Variants in PRDM12 observed in about 807,000 individuals in gnomAD.
The protein encoded by PRDM12 is PR/SET domain 12, also known as PR domain zinc finger protein 12.
Under a neutral mutation model 29.6 loss-of-function variants are expected in PRDM12, and 17 were observed. That is an observed-to-expected ratio of 0.57 (90% CI 0.39 to 0.86). PRDM12 has a LOEUF of 0.86. Among genes scored for constraint, PRDM12 ranks in the 40% least tolerant of loss-of-function variants. The pLI is 0.00. For synonymous variants in PRDM12, 231 were observed against 225.8 expected, an observed-to-expected ratio of 1.02 and a Z score of -0.21; for missense variants, 422 against 510.8, an observed-to-expected ratio of 0.83 and a Z score of 1.68.
At position 130,664,991 on chromosome 9, in the gene PRDM12, C is replaced by A; in HGVS notation, c.223+115C>A. 1 of 1,089,386 alleles carries A rather than the reference C, an allele frequency of 9.2e-7. No homozygotes were observed. The highest frequency in any genetic ancestry group is 1.3e-6 in the Non-Finnish European group (1 of 780,102). 67.5% of individuals were successfully genotyped at this position (1,089,386 alleles called of 1,614,324 possible). A position where few individuals can be genotyped will look rare whatever the true frequency, so the allele number is the denominator to read the frequency against. On this transcript the variant is annotated intron_variant, in intron 1 of 4. Coordinates refer to ENST00000253008, the MANE Select transcript of PRDM12 (RefSeq NM_021619.3). This position sits in a 1 kb window ranked among gnomAD's most constrained non-coding sequence, Gnocchi z 6.4. ...CCGGCCTCGCTGCTACTCGCGCCAA[C>A]CTGGGCTCTCCCGGCGCTCGGTGCA...
rs760996054 is a variant in PRDM12, at chr9:130,668,196, T to C, written c.453T>C (p.Asp151=). 1.1e-5 allele frequency: 17 copies of C among 1,614,028 alleles called. No homozygotes were observed. The highest frequency in any genetic ancestry group is 1.4e-5 in the Non-Finnish European group (17 of 1,180,030). ...ATGGCACGGTGCGCTACTTCATCGA[T>C]GCCAGCCAGGAGGACCACCGGAGCT... is the stretch of plus-strand genomic sequence containing the variant. ...NEDGTVRYFI[D]ASQEDHRSWM... is the part of the protein sequence containing the mutation. The change falls in exon 3 of 5, where the codon GAT becomes GAC. Residue 151 remains aspartate, a synonymous_variant. Transcript: ENST00000253008. The surrounding 1 kb of genome is among the most constrained non-coding windows in gnomAD (Gnocchi z 4.0).
Position 130,681,599 on chromosome 9 carries a change from C to A in PRDM12, c.1034C>A (p.Pro345His), listed in dbSNP as rs1484358479. The change falls in exon 5 of 5, where the codon CCC becomes CAC. Residue 345 changes from proline (P) to histidine (H), a missense_variant. Physicochemically the swap from Pro to His is moderately conservative, Grantham distance 77 (BLOSUM62 -2). Transcript: ENST00000253008. This position sits in a 1 kb window ranked among gnomAD's most constrained non-coding sequence, Gnocchi z 8.1. ...PALPAPHAHA[P>H]ALAAAAAAAA... ...CTGCCCGCCCCGCACGCGCACGCGC[C>A]CGCGCTCGCCGCCGCCGCCGCCGCC... is the stretch of plus-strand genomic sequence containing the variant. The A allele has an allele frequency of 6.0e-5, 59 of 983,064 alleles. No homozygotes were observed. The highest frequency in any genetic ancestry group is 5.1e-4 in the East Asian group (5 of 9,900). 60.9% of individuals were successfully genotyped at this position (983,064 alleles called of 1,614,324 possible). A position where few individuals can be genotyped will look rare whatever the true frequency, so the allele number is the denominator to read the frequency against.
At chr9:130,675,700 A>G (rs1016632969) in intron 3 of PRDM12, among the ~76,000 whole-genome samples, 6 of 152,234 alleles carry the variant, frequency 3.9e-5, no homozygotes, top group Admixed American at 2.0e-4. Flanking sequence ...AACAGGCCCC[A>G]CGACGTGAGG....
At chr9:130,674,547 G>C (rs567787638) in intron 3 of PRDM12, among the ~76,000 whole-genome samples, 25 of 146,786 alleles carry the variant, frequency 1.7e-4, no homozygotes, top group Non-Finnish European at 3.1e-4. Flanking sequence ...GAAGTAATAT[G>C]TGCTCATTAT....
At chr9:130,667,067 T>G (rs1310302408) in intron 2 of PRDM12, among the ~76,000 whole-genome samples, 1 of 152,216 alleles carries the variant, frequency 6.6e-6, no homozygotes, top group Non-Finnish European at 1.5e-5. Context: ...ACTTGGCAGA[T>G]GAGGGCACTG....
chr9:130,669,630 A>G (rs1346670977), intron 3 of PRDM12, among the ~76,000 whole-genome samples: 1 of 151,476 alleles, frequency 6.6e-6, no homozygotes, highest in African/African-American at 2.4e-5. Context: ...CCTGGCTAAC[A>G]TGGTGAAACC....
intron 3 of PRDM12, among the ~76,000 whole-genome samples, chr9:130,677,310 G>A (rs774688121): frequency 7.9e-5 from 12 of 152,216 alleles, no homozygotes; most frequent in African/African-American, 2.7e-4. Context: ...GAAGGAAGAC[G>A]TAGTGAACGC....
intron 3 of PRDM12, among the ~76,000 whole-genome samples, chr9:130,669,805 G>C (rs1290763470): frequency 2.5e-5 from 3 of 119,636 alleles, no homozygotes; most frequent in Non-Finnish European, 4.9e-5. Context: ...GACAGAGTGA[G>C]ACTCCATCTC....
At chr9:130,674,083 C>T in intron 3 of PRDM12, among the ~76,000 whole-genome samples, 1 of 132,562 alleles carries the variant, frequency 7.5e-6, no homozygotes. Flanking sequence ...GGCGCCATCT[C>T]AGCCTACTGC....
In PRDM12 at chr9:130,681,605, TCGCCGCCGCCGCCGCCGCCGC is replaced by T. The variant is rs752427775; in HGVS notation, c.1056_1076del (p.Ala353_Ala359del). On this transcript the variant is annotated inframe_deletion, in exon 5 of 5. Transcript: ENST00000253008. This position sits in a 1 kb window ranked among gnomAD's most constrained non-coding sequence, Gnocchi z 8.1. Reference sequence around the variant, plus strand: ...GCCCCGCACGCGCACGCGCCCGCGCTCGCCGCCGCCGCCGCCGCCGCCGCCGCCGCCGCCGCGCACCACCTG... The same window carrying T: ...GCCCCGCACGCGCACGCGCCCGCGCTCGCCGCCGCCGCCGCGCACCACCTG... 8.9e-4 allele frequency: 852 copies of T among 955,252 alleles called. 1 individual carries two copies. Among genetic ancestry groups the T allele is most frequent in the East Asian group, 1.0e-3 (9 of 8,638 alleles). The allele number at this position is 955,252 out of a possible 1,614,324, so 59.2% of individuals were successfully genotyped here.
intron 3 of PRDM12, among the ~76,000 whole-genome samples, chr9:130,671,829 TCTGCCACTCAGAA>T (rs1349126035): frequency 1.3e-5 from 2 of 152,274 alleles, no homozygotes; most frequent in African/African-American, 2.4e-5. Flanking sequence ...TCTTAAACTT[TCTGCCACTCAGAA>T]CTGCCACTCA....
chr9:130,674,309 G>A (rs367873593), intron 3 of PRDM12, among the ~76,000 whole-genome samples: 9 of 151,210 alleles, frequency 6.0e-5, no homozygotes, highest in East Asian at 5.9e-4. Context: ...CACTGCGCCC[G>A]GCCCAATTTT....
chr9:130,669,625 C>T (rs140711758), intron 3 of PRDM12, among the ~76,000 whole-genome samples: 2,644 of 151,138 alleles, frequency 0.017, 80 homozygotes, highest in African/African-American at 0.061. Context: ...ACCATCCTGG[C>T]TAACATGGTG....
In PRDM12 at chr9:130,668,001, G is replaced by A. The variant is rs1306629901; in HGVS notation, c.415-157G>A. Among the ~76,000 whole-genome samples the A allele has an allele frequency of 6.6e-6, 1 of 152,192 alleles. No homozygotes were observed. Among genetic ancestry groups the A allele is most frequent in the Non-Finnish European group, 1.5e-5 (1 of 68,042 alleles). ...GCCGGCTAGCTTCAGGCAAGTCCCT[G>A]CACCTCTCCAGCCTTCCTTTCTTCA... On this transcript the variant is annotated intron_variant, in intron 2 of 4. Transcript: ENST00000253008. The surrounding 1 kb of genome is among the most constrained non-coding windows in gnomAD (Gnocchi z 4.0).
At chr9:130,669,550 T>G (rs1179161747) in intron 3 of PRDM12, among the ~76,000 whole-genome samples, 2 of 139,972 alleles carry the variant, frequency 1.4e-5, no homozygotes. Context: ...GCACAGTGGC[T>G]CAAGCCTGTA....
chr9:130,676,891 T>A (rs573279307), intron 3 of PRDM12, among the ~76,000 whole-genome samples: 1 of 151,698 alleles, frequency 6.6e-6, no homozygotes, highest in African/African-American at 2.4e-5. Flanking sequence ...ACCCCTTTTC[T>A]TTCGACCTCC....
rs753422507 is a variant in PRDM12 at position 130,680,623 on chromosome 9, TAAAA to T, written c.683-616_683-613del. 2.9e-3 allele frequency among the ~76,000 whole-genome samples: 230 copies of T among 78,894 alleles called. 4 individuals carry two copies. The highest frequency in any genetic ancestry group is 0.012 in the African/African-American group (190 of 16,418). The allele number at this position is 78,894 out of a possible 152,430, so 51.8% of individuals were successfully genotyped here. A position where few individuals can be genotyped will look rare whatever the true frequency, so the allele number is the denominator to read the frequency against. ...CCTGGAGACAGAGGGAGACTCCGTC[TAAAA>T]AAAAAAAATATATATATATATATAT... On this transcript the variant is annotated intron_variant, in intron 4 of 4. Transcript: ENST00000253008.
chr9:130,664,993 T>G lies in PRDM12; in HGVS notation c.223+117T>G. The G allele has an allele frequency of 9.2e-7, 1 of 1,089,552 alleles. No homozygotes were observed. The highest frequency in any genetic ancestry group is 1.3e-6 in the Non-Finnish European group (1 of 780,462). 67.5% of individuals were successfully genotyped at this position (1,089,552 alleles called of 1,614,324 possible). ...GGCCTCGCTGCTACTCGCGCCAACC[T>G]GGGCTCTCCCGGCGCTCGGTGCACC... On this transcript the variant is annotated intron_variant, in intron 1 of 4. Coordinates refer to ENST00000253008, the MANE Select transcript of PRDM12 (RefSeq NM_021619.3). This position sits in a 1 kb window ranked among gnomAD's most constrained non-coding sequence, Gnocchi z 6.4.
At chr9:130,671,889 G>A (rs973094498) in intron 3 of PRDM12, among the ~76,000 whole-genome samples, 3 of 152,264 alleles carry the variant, frequency 2.0e-5, no homozygotes, top group African/African-American at 7.2e-5. Flanking sequence ...ACCAAAAATA[G>A]GAAGGAACAT....
Sources: gnomAD v4.1 joint callset for allele counts (sites outside exome capture counted in the v4.1 genomes callset) on GRCh38, gnomAD v4.1.1 for gene constraint, Gnocchi (gnomAD v3.1) non-coding constraint, MANE v1.5 for transcripts, NCBI Gene and HGNC (gene_info 2026-07-23, HGNC 2026-07-21) for gene names.